The following ZCCHC7 variants were observed in gnomAD, a reference collection of about 807,000 sequenced individuals.
ZCCHC7 encodes the protein zinc finger CCHC-type containing 7, also known as zinc finger CCHC domain-containing protein 7.
ZCCHC7 carries 35 observed loss-of-function variants against 52.0 expected under a neutral mutation model. The observed-to-expected ratio is 0.67, with a 90% CI of 0.51 to 0.89. The LOEUF (loss-of-function observed/expected upper bound fraction) is 0.89. Ranked by LOEUF, ZCCHC7 falls within the 40% of genes least tolerant of loss-of-function variation. The probability of loss-of-function intolerance (pLI) is 0.00; values close to 1 mark genes in which losing one functional copy is unlikely to be tolerated. For synonymous variants in ZCCHC7, 217 were observed against 221.5 expected, an observed-to-expected ratio of 0.98 and a Z score of 0.18; for missense variants, 574 against 649.1, an observed-to-expected ratio of 0.88 and a Z score of 1.26.
At chr9:37,280,310 T>C (rs1827892895) in intron 2 of ZCCHC7, among the ~76,000 whole-genome samples, 1 of 152,192 alleles carries the variant, frequency 6.6e-6, no homozygotes, top group Admixed American at 6.5e-5. Context: ...GTCTCAATAA[T>C]TGACAGAAGT....
At chr9:37,300,603 C>G (rs965592103) in intron 2 of ZCCHC7, among the ~76,000 whole-genome samples, 4 of 152,166 alleles carry the variant, frequency 2.6e-5, no homozygotes, top group Non-Finnish European at 5.9e-5. Context: ...AAATATATCT[C>G]TAGACACTTA....
At position 37,210,317 on chromosome 9, in the gene ZCCHC7, A is replaced by T. The variant is rs559761943; in HGVS notation, c.610+83375A>T. ...ATTTGCAGCCGTGGACCTTCAAGAG[A>T]CTCATAGAAGAGGCTGTACTTTTTC... On this transcript the variant is annotated intron_variant, in intron 2 of 8. Transcript: ENST00000336755. Among the ~76,000 whole-genome samples the T allele has an allele frequency of 6.6e-5, 10 of 152,284 alleles. No individual in the cohort carries two copies. In the South Asian group the frequency reaches 1.9e-3, roughly 28 times the overall value.
chr9:37,120,622 C>T lies in ZCCHC7; in HGVS notation c.-23C>T. ...TGGTGCTTCCTGTTCGCAGCTGCGG[C>T]AGTGAGTATGTGTGTGACGGACCCC... On this transcript the variant is annotated splice_region_variant and 5_prime_UTR_variant, in exon 1 of 9. Transcript: ENST00000336755. 1 of 397,824 alleles carries T rather than the reference C, an allele frequency of 2.5e-6. No individual in the cohort carries two copies. Among genetic ancestry groups the T allele is most frequent in the Non-Finnish European group, 4.4e-6 (1 of 225,284 alleles). 24.6% of individuals were successfully genotyped at this position (397,824 alleles called of 1,614,324 possible).
intron 2 of ZCCHC7, among the ~76,000 whole-genome samples, chr9:37,140,506 T>C (rs1185595200): frequency 6.6e-6 from 1 of 152,022 alleles, no homozygotes; most frequent in Non-Finnish European, 1.5e-5. Context: ...AATTTAAAAG[T>C]TTCTGGATAG....
In ZCCHC7 at chr9:37,155,518, ATTCT is replaced by A. The variant is rs200858642; in HGVS notation, c.610+28583_610+28586del. Among the ~76,000 whole-genome samples the A allele has an allele frequency of 1.7e-3, 264 of 152,310 alleles. 7 individuals carry two copies. In the East Asian group the frequency reaches 0.044, roughly 25 times the overall value. ...TTCTAGTAAATGGTTTTGAATTCTA[ATTCT>A]TTCTTTAAAATAATTCTTTCATATA... On this transcript the variant is annotated intron_variant, in intron 2 of 8. Coordinates refer to ENST00000336755, the MANE Select transcript of ZCCHC7 (RefSeq NM_032226.3).
intron 2 of ZCCHC7, among the ~76,000 whole-genome samples, chr9:37,166,972 C>T (rs940773562): frequency 2.6e-5 from 4 of 152,116 alleles, no homozygotes; most frequent in African/African-American, 9.7e-5. Context: ...CAGAATATGG[C>T]TCTCTTGATA....
intron 2 of ZCCHC7, among the ~76,000 whole-genome samples, chr9:37,271,861 C>T (rs774260988): frequency 2.0e-5 from 3 of 152,198 alleles, no homozygotes; most frequent in Non-Finnish European, 2.9e-5. Context: ...TGAGTCACTG[C>T]GCCCGGCCAT....
chr9:37,162,726 C>A (rs368506377), intron 2 of ZCCHC7, among the ~76,000 whole-genome samples: 20 of 152,250 alleles, frequency 1.3e-4, no homozygotes, highest in Admixed American at 4.6e-4. Flanking sequence ...GTAAATACCT[C>A]GGAGTGGAAT....
chr9:37,254,837 C>CTTTTTTTTTT (rs59489076), intron 2 of ZCCHC7, among the ~76,000 whole-genome samples: 2,708 of 93,396 alleles, frequency 0.029, 53 homozygotes, highest in Non-Finnish European at 0.032. Flanking sequence ...CAAAAAGTTT[C>CTTTTTTTTTT]TTTTTTTTTT....
chr9:37,316,079 C>A (rs1309822253), intron 5 of ZCCHC7, among the ~76,000 whole-genome samples: 1 of 150,668 alleles, frequency 6.6e-6, no homozygotes, highest in African/African-American at 2.5e-5. Context: ...GAGTCTCACT[C>A]TGTTGCCAGA....
Position 37,267,362 on chromosome 9 carries a change from A to G in ZCCHC7, c.611-34826A>G, listed in dbSNP as rs559632053. ...TTCTCTTTTTATATTTATGATTTCT[A>G]TTAATGAAATTGCATCTCTGTCTCC... On this transcript the variant is annotated intron_variant, in intron 2 of 8. Transcript: ENST00000336755. Among the ~76,000 whole-genome samples the G allele has an allele frequency of 2.6e-5, 4 of 152,060 alleles. No homozygotes were observed. The East Asian group carries it at 7.7e-4, about 29-fold the overall frequency.
intron 2 of ZCCHC7, among the ~76,000 whole-genome samples, chr9:37,163,853 A>G (rs938600268): frequency 7.9e-5 from 12 of 152,158 alleles, no homozygotes; most frequent in African/African-American, 2.9e-4. Context: ...GTTAATTTTT[A>G]TATGATGTGA....
chr9:37,252,595 T>C (rs1826382689), intron 2 of ZCCHC7, among the ~76,000 whole-genome samples: 1 of 152,208 alleles, frequency 6.6e-6, no homozygotes, highest in Non-Finnish European at 1.5e-5. Flanking sequence ...TAGAGATTTC[T>C]ATTCAATGTA....
At chr9:37,230,783 C>T (rs1280234595) in intron 2 of ZCCHC7, among the ~76,000 whole-genome samples, 1 of 151,528 alleles carries the variant, frequency 6.6e-6, no homozygotes, top group African/African-American at 2.4e-5. Context: ...GATTTTTTTT[C>T]ATTGATTTGT....
At chr9:37,124,535 C>G (rs1045205691) in intron 1 of ZCCHC7, among the ~76,000 whole-genome samples, 1 of 152,034 alleles carries the variant, frequency 6.6e-6, no homozygotes, top group African/African-American at 2.4e-5. Context: ...GCATATAGTT[C>G]CTGCCCTCCT....
At chr9:37,176,728 G>A (rs895835286) in intron 2 of ZCCHC7, among the ~76,000 whole-genome samples, 21 of 151,962 alleles carry the variant, frequency 1.4e-4, no homozygotes, top group South Asian at 1.2e-3. Context: ...TTAATCTACC[G>A]GTGTCTAAAC....
intron 2 of ZCCHC7, among the ~76,000 whole-genome samples, chr9:37,196,391 T>C (rs1472047317): frequency 6.6e-6 from 1 of 152,190 alleles, no homozygotes; most frequent in Non-Finnish European, 1.5e-5. Context: ...TAATAGTACG[T>C]CCTTTGTCAC....
At chr9:37,181,467 G>A (rs1270644794) in intron 2 of ZCCHC7, among the ~76,000 whole-genome samples, 1 of 152,080 alleles carries the variant, frequency 6.6e-6, no homozygotes, top group Non-Finnish European at 1.5e-5. Flanking sequence ...GGAAATAAAC[G>A]CTATATCCAT....
intron 2 of ZCCHC7, among the ~76,000 whole-genome samples, chr9:37,134,539 G>T (rs969341974): frequency 6.6e-5 from 10 of 152,068 alleles, no homozygotes; most frequent in Admixed American, 2.6e-4. Flanking sequence ...TGTGTATAAG[G>T]TTCCAGATTC....
Sources: gnomAD v4.1 joint callset for allele counts (sites outside exome capture counted in the v4.1 genomes callset) on GRCh38, gnomAD v4.1.1 for gene constraint, MANE v1.5 for transcripts, NCBI Gene and HGNC (gene_info 2026-07-23, HGNC 2026-07-21) for gene names.